AGT: variants seen among roughly 807,000 people sequenced by gnomAD.
The protein encoded by AGT is alpha-1 antiproteinase, antitrypsin.
A neutral mutation model predicts 28.1 loss-of-function variants in AGT; 26 were observed. That is an observed-to-expected ratio of 0.92 (90% CI 0.68 to 1.28). The LOEUF is 1.28. AGT is among the 50% of genes most tolerant of loss of function. The pLI is 0.00. For synonymous variants in AGT, 259 were observed against 259.6 expected (o/e 1.00, Z 0.02); for missense variants, 596 against 592.3 (o/e 1.01, Z -0.06).
upstream of AGT, among the ~76,000 whole-genome samples, chr1:230,718,222 G>A (rs1241306430): frequency 6.6e-6 from 1 of 152,098 alleles, no homozygotes; most frequent in East Asian, 1.9e-4. Flanking sequence ...TGGGATTACA[G>A]GCATAAGCCA....
upstream of AGT, among the ~76,000 whole-genome samples, chr1:230,714,642 A>G (rs1308335118): frequency 6.6e-6 from 1 of 152,186 alleles, no homozygotes; most frequent in Non-Finnish European, 1.5e-5. Flanking sequence ...GGCCTCTAAT[A>G]GACACTGGGG....
chr1:230,710,584 C>T lies in AGT; in HGVS notation c.240G>A (p.Val80=). The change falls in exon 2 of 5, where the codon GTG becomes GTA. Residue 80 remains valine, a synonymous_variant. Coordinates refer to ENST00000366667, the MANE Select transcript of AGT (RefSeq NM_001384479.1). The part of the protein sequence containing the change: ...VDEKALQDQL[V]LVAAKLDTED... ...CGGTGTCAAGTTTTGCAGCGACTAG[C>T]ACCAGCTGGTCCTGTAGGGCCTTTT... The T allele has an allele frequency of 6.2e-7, 1 of 1,614,268 alleles. No individual in the cohort carries two copies. The highest frequency in any genetic ancestry group is 8.5e-7 in the Non-Finnish European group (1 of 1,180,058).
At chr1:230,742,225 A>G (rs73102696) in intron 1 of AGT, among the ~76,000 whole-genome samples, 11,574 of 152,134 alleles carry the variant, frequency 0.076, 645 homozygotes, top group East Asian at 0.14. Flanking sequence ...GTTTCCGAGA[A>G]ATTTTTATGC....
chr1:230,734,361 T>C (rs1014300206), intron 1 of AGT, among the ~76,000 whole-genome samples: 1 of 150,966 alleles, frequency 6.6e-6, no homozygotes, highest in East Asian at 1.9e-4. Flanking sequence ...AGACGGAAAA[T>C]AGAATGGTGG....
chr1:230,737,724 G>T (rs76914504), intron 1 of AGT, among the ~76,000 whole-genome samples: 11,309 of 152,182 alleles, frequency 0.074, 604 homozygotes, highest in East Asian at 0.14. Context: ...TTTTAAGATA[G>T]CTTTGAGATG....
chr1:230,737,868 G>C (rs2102806430), intron 1 of AGT, among the ~76,000 whole-genome samples: 1 of 152,172 alleles, frequency 6.6e-6, no homozygotes, highest in East Asian at 1.9e-4. Flanking sequence ...AAAGCCTTTA[G>C]CCATCACCCC....
chr1:230,717,704 G>C (rs1321872450), upstream of AGT, among the ~76,000 whole-genome samples: 15 of 152,148 alleles, frequency 9.9e-5, no homozygotes. Flanking sequence ...GAAGTTCCAA[G>C]TTTTCCTTGC....
chr1:230,711,810 C>A (rs11122577), intron 1 of AGT, among the ~76,000 whole-genome samples: 24,115 of 127,308 alleles, frequency 0.19, 2,053 homozygotes, highest in East Asian at 0.23. Flanking sequence ...GTGCTGGGAC[C>A]ACGTATAAAA....
At chr1:230,713,562 G>C (rs1223393472) in intron 1 of AGT, among the ~76,000 whole-genome samples, 8 of 152,224 alleles carry the variant, frequency 5.3e-5, no homozygotes, top group Admixed American at 5.2e-4. Flanking sequence ...GGGAGCCCAG[G>C]CATCGTTATT....
At chr1:230,743,252 A>G (rs1395072405) in intron 1 of AGT, among the ~76,000 whole-genome samples, 2 of 152,052 alleles carry the variant, frequency 1.3e-5, no homozygotes, top group Non-Finnish European at 2.9e-5. Flanking sequence ...CAGCCTCCCA[A>G]AGTGCTGGGA....
intron 1 of AGT, among the ~76,000 whole-genome samples, chr1:230,723,906 A>G (rs1663890951): frequency 6.6e-6 from 1 of 152,224 alleles, no homozygotes; most frequent in Non-Finnish European, 1.5e-5. Context: ...AAACTGGACA[A>G]AAAGAAAAAC....
chr1:230,706,691 G>A (rs567554357), intron 2 of AGT, among the ~76,000 whole-genome samples: 4 of 152,208 alleles, frequency 2.6e-5, no homozygotes, highest in African/African-American at 9.6e-5. Context: ...AGCCTCCCCC[G>A]TGATCAACAT....
chr1:230,739,598 G>A (rs985638926), intron 1 of AGT, among the ~76,000 whole-genome samples: 2 of 152,070 alleles, frequency 1.3e-5, no homozygotes, highest in Admixed American at 6.6e-5. Flanking sequence ...TGAGCTTCCG[G>A]GGTAATTACG....
intron 1 of AGT, among the ~76,000 whole-genome samples, chr1:230,743,898 G>A (rs1664293731): frequency 6.6e-6 from 1 of 152,222 alleles, no homozygotes; most frequent in Admixed American, 6.5e-5. Flanking sequence ...TGAGTGTGGA[G>A]GAGACAGAGA....
intron 1 of AGT, among the ~76,000 whole-genome samples, chr1:230,740,555 T>A (rs1365229105): frequency 6.6e-6 from 1 of 152,220 alleles, no homozygotes; most frequent in Non-Finnish European, 1.5e-5. Context: ...GAGACCATTT[T>A]AAAATGAATA....
At position 230,727,429 on chromosome 1, in the gene AGT, CA is replaced by C. The variant is rs199701951; in HGVS notation, c.-30-16577del. On this transcript the variant is annotated intron_variant, in intron 1 of 4. Coordinates refer to the AGT transcript ENST00000681269. ...GTCCATGATCATAACCAAAAACTAT[CA>C]GACTCAACAAATATTTACTGAGGAC... Among the ~76,000 whole-genome samples the C allele has an allele frequency of 6.7e-3, 1,025 of 152,298 alleles. 7 individuals are homozygous for C. Among genetic ancestry groups the C allele is most frequent in the Middle Eastern group, 0.02 (6 of 294 alleles).
intron 2 of AGT, among the ~76,000 whole-genome samples, chr1:230,707,936 G>C (rs1032032511): frequency 1.3e-5 from 2 of 152,168 alleles, no homozygotes; most frequent in Non-Finnish European, 2.9e-5. Context: ...CTGGGCAGAC[G>C]GTACCCTGGA....
rs546719277 is a variant in AGT, at chr1:230,704,434, C to T, written c.1098-97G>A. ...TTATGCTCCTTGCACCCAACCCTGA[C>T]GACAGGGATGTTTGCTCCCCCCATC... On this transcript the variant is annotated intron_variant, in intron 3 of 4. Coordinates refer to ENST00000366667, the MANE Select transcript of AGT (RefSeq NM_001384479.1). 54 of 1,480,570 alleles carry T rather than the reference C, an allele frequency of 3.6e-5. No individual in the cohort carries two copies. The African/African-American group carries it at 5.3e-4, about 14-fold the overall frequency. 91.7% of individuals were successfully genotyped at this position (1,480,570 alleles called of 1,614,324 possible). A position where few individuals can be genotyped will look rare whatever the true frequency, so the allele number is the denominator to read the frequency against.
Position 230,706,188 on chromosome 1 carries a change from C to T in AGT, c.842G>A (p.Gly281Asp). ...CTGGGGCTCGGCCAGCAGGGAGAAG[C>T]CCTTCATCTTCCCTGAAATCCAGAC... is the stretch of plus-strand genomic sequence containing the variant. ...TYVHFQGKMK[G>D]FSLLAEPQEF... is the part of the protein sequence containing the mutation. Residue 281 changes from glycine to aspartate, a missense_variant, in exon 3 of 5, where the codon GGC becomes GAC. Transcript: ENST00000366667. 1 of 1,613,502 alleles carries T rather than the reference C, an allele frequency of 6.2e-7. No homozygotes were observed.
Sources: allele counts gnomAD v4.1 joint callset (sites outside exome capture counted in the v4.1 genomes callset), GRCh38; gene constraint gnomAD v4.1.1; transcripts MANE v1.5; gene names NCBI Gene and HGNC (gene_info 2026-07-23, HGNC 2026-07-21).